The following GALNTL6 variants were observed in gnomAD, a reference collection of about 807,000 sequenced individuals.
GALNTL6 encodes the protein polypeptide N-acetylgalactosaminyltransferase-like 6.
A neutral mutation model predicts 73.7 loss-of-function variants in GALNTL6; 46 were observed. The observed-to-expected ratio is 0.62, with a 90% CI of 0.49 to 0.80. The LOEUF is 0.80. Ranked by LOEUF, GALNTL6 falls within the 30% of genes least tolerant of loss-of-function variation. GALNTL6 has a pLI of 0.00. For missense variants in GALNTL6, 604 were observed against 755.0 expected (o/e 0.80, Z 2.34); for synonymous variants, 259 against 263.7 (o/e 0.98, Z 0.17).
intron 9 of GALNTL6, among the ~76,000 whole-genome samples, chr4:172,932,434 C>T (rs1227739223): frequency 1.3e-5 from 2 of 151,968 alleles, no homozygotes; most frequent in Non-Finnish European, 2.9e-5. Context: ...GGGAGTTGTT[C>T]TTCCTTTTTC....
chr4:171,835,573 C>G (rs1022697629), intron 2 of GALNTL6, among the ~76,000 whole-genome samples: 8 of 151,676 alleles, frequency 5.3e-5, no homozygotes, highest in African/African-American at 1.9e-4. Flanking sequence ...TTATAGTGGT[C>G]GAGATCATTA....
At chr4:172,948,152 G>A (rs1313266221) in intron 9 of GALNTL6, among the ~76,000 whole-genome samples, 1 of 152,164 alleles carries the variant, frequency 6.6e-6, no homozygotes. Context: ...GTAAATTCTG[G>A]AGAACAGGCA....
intron 2 of GALNTL6, among the ~76,000 whole-genome samples, chr4:172,051,767 G>A (rs1730878607): frequency 6.6e-6 from 1 of 152,076 alleles, no homozygotes; most frequent in Non-Finnish European, 1.5e-5. Flanking sequence ...TCCCACTTAG[G>A]GCCATGGGTT....
chr4:172,631,632 A>G (rs994402845), intron 5 of GALNTL6, among the ~76,000 whole-genome samples: 2 of 152,232 alleles, frequency 1.3e-5, no homozygotes, highest in Admixed American at 6.5e-5. Context: ...TCATCAAAGT[A>G]AAATTTCAGG....
At chr4:172,821,940 C>T (rs765643248) in intron 7 of GALNTL6, among the ~76,000 whole-genome samples, 3 of 152,244 alleles carry the variant, frequency 2.0e-5, no homozygotes, top group Non-Finnish European at 4.4e-5. Flanking sequence ...CTCTGGAGGC[C>T]CCTGGCTGCC....
intron 4 of GALNTL6, among the ~76,000 whole-genome samples, chr4:172,329,853 G>C (rs941578977): frequency 6.6e-5 from 10 of 152,182 alleles, no homozygotes; most frequent in Non-Finnish European, 1.3e-4. Flanking sequence ...AGTGACCCCA[G>C]CCAGGAGGTC....
chr4:172,672,467 A>G (rs79626391), intron 5 of GALNTL6, among the ~76,000 whole-genome samples: 2,814 of 152,226 alleles, frequency 0.018, 80 homozygotes, highest in African/African-American at 0.063. Flanking sequence ...ATTGGCCTGA[A>G]TTTTTCATTC....
chr4:172,990,832 C>T (rs1229310391), intron 10 of GALNTL6, among the ~76,000 whole-genome samples: 1 of 152,144 alleles, frequency 6.6e-6, no homozygotes, highest in Admixed American at 6.6e-5. Context: ...ATCAGAATTA[C>T]AGGAATCTTA....
At chr4:172,222,026 G>A (rs1047574343) in intron 2 of GALNTL6, among the ~76,000 whole-genome samples, 1 of 151,656 alleles carries the variant, frequency 6.6e-6, no homozygotes, top group Non-Finnish European at 1.5e-5. Context: ...ATTAATTCTG[G>A]CTATGTTATT....
intron 5 of GALNTL6, among the ~76,000 whole-genome samples, chr4:172,475,837 A>C (rs2111471273): frequency 6.6e-6 from 1 of 152,344 alleles, no homozygotes; most frequent in South Asian, 2.1e-4. Context: ...CATCCAGATA[A>C]GTTTTAGTTT....
intron 4 of GALNTL6, among the ~76,000 whole-genome samples, chr4:172,318,189 G>A (rs1054545888): frequency 6.6e-5 from 10 of 152,062 alleles, no homozygotes; most frequent in African/African-American, 2.4e-4. Context: ...TAAGTTCTCA[G>A]GGTCATTACA....
chr4:171,837,382 G>A (rs1010134928), intron 2 of GALNTL6, among the ~76,000 whole-genome samples: 1 of 149,884 alleles, frequency 6.7e-6, no homozygotes, highest in South Asian at 2.1e-4. Flanking sequence ...GGATATTTTG[G>A]GGGGCGATTG....
intron 2 of GALNTL6, among the ~76,000 whole-genome samples, chr4:171,987,211 G>A (rs189890208): frequency 3.3e-5 from 5 of 152,296 alleles, no homozygotes; most frequent in Admixed American, 6.5e-5. Context: ...TTAAGTTGGT[G>A]GCTGAGCTTG....
At chr4:172,109,245 C>T (rs987386418) in intron 2 of GALNTL6, among the ~76,000 whole-genome samples, 3 of 111,568 alleles carry the variant, frequency 2.7e-5, no homozygotes, top group Admixed American at 1.0e-4. Flanking sequence ...AAAATACGAA[C>T]ATGGACCATT....
chr4:172,191,364 A>G (rs1199414111), intron 2 of GALNTL6, among the ~76,000 whole-genome samples: 2 of 152,150 alleles, frequency 1.3e-5, no homozygotes, highest in Non-Finnish European at 2.9e-5. Context: ...AATATATCCT[A>G]TTCTCTACAA....
rs115986806 is a variant in GALNTL6 at position 172,154,699 on chromosome 4, C to T, written c.139-74957C>T. Among the ~76,000 whole-genome samples, 1,495 of 152,252 alleles carry T rather than the reference C, an allele frequency of 9.8e-3. 25 individuals are homozygous for T. Among genetic ancestry groups the T allele is most frequent in the African/African-American group, 0.034 (1,397 of 41,526 alleles). ...GTACTGAAAACTGGCAGGCATACTT[C>T]GGTAATACCAAGCAAGGAGACTGCA... On this transcript the variant is annotated intron_variant, in intron 2 of 12. Transcript: ENST00000506823.
intron 12 of GALNTL6, among the ~76,000 whole-genome samples, chr4:173,028,549 C>T (rs1228538818): frequency 1.3e-5 from 2 of 152,172 alleles, no homozygotes; most frequent in African/African-American, 4.8e-5. Context: ...TTAGCCCCCT[C>T]ACCCCCGCCA....
chr4:172,587,391 C>T (rs181063142), intron 5 of GALNTL6, among the ~76,000 whole-genome samples: 2 of 152,290 alleles, frequency 1.3e-5, no homozygotes, highest in African/African-American at 2.4e-5. Flanking sequence ...CCTATCCTTG[C>T]TTTGCAGTGT....
intron 8 of GALNTL6, among the ~76,000 whole-genome samples, chr4:172,891,137 C>G (rs1746008019): frequency 6.7e-6 from 1 of 148,150 alleles, no homozygotes; most frequent in Admixed American, 6.7e-5. Context: ...TTTTTTTAAT[C>G]CAACTTGCCA....
Sources: allele counts gnomAD v4.1 joint callset (sites outside exome capture counted in the v4.1 genomes callset), GRCh38; gene constraint gnomAD v4.1.1; transcripts MANE v1.5; gene names NCBI Gene and HGNC (gene_info 2026-07-23, HGNC 2026-07-21).